The following SULF2 variants were observed in gnomAD, a reference collection of about 807,000 sequenced individuals.
SULF2 encodes sulfatase 2.
SULF2 carries 52 observed loss-of-function variants against 107.7 expected under a neutral mutation model. The observed-to-expected ratio is 0.48, with a 90% CI of 0.39 to 0.61. SULF2 has a LOEUF of 0.61. SULF2 is among the 20% of genes least tolerant of loss of function. SULF2 has a pLI of 0.00. For synonymous variants in SULF2, 460 were observed against 464.3 expected (o/e 0.99, Z 0.12); for missense variants, 993 against 1,177.3 (o/e 0.84, Z 2.29).
chr20:47,762,783 G>C (rs778814614), intron 1 of SULF2, among the ~76,000 whole-genome samples: 6 of 152,210 alleles, frequency 3.9e-5, no homozygotes, highest in Non-Finnish European at 8.8e-5. Context: ...GCTGGACTTC[G>C]TTCCTGGCTC....
intron 3 of SULF2, among the ~76,000 whole-genome samples, chr20:47,731,707 TAGA>T (rs1413660091): frequency 6.6e-6 from 1 of 152,136 alleles, no homozygotes; most frequent in African/African-American, 2.4e-5. Context: ...AATTGCTGAG[TAGA>T]AGGAGATGTC....
At chr20:47,743,102 G>A (rs2089927910) in intron 2 of SULF2, among the ~76,000 whole-genome samples, 1 of 151,954 alleles carries the variant, frequency 6.6e-6, no homozygotes, top group Non-Finnish European at 1.5e-5. Flanking sequence ...GCCTTCCTAT[G>A]GCTAGTTTCT....
At chr20:47,757,116 T>C (rs1825862506) in intron 2 of SULF2, 73 bp downstream of exon 2, 1 of 1,373,258 alleles carries the variant, frequency 7.3e-7, no homozygotes, top group Non-Finnish European at 9.7e-7. Context: ...CCGCCTTGCC[T>C]CAGGAGCCTC....
chr20:47,765,639 C>T (rs757162774), intron 1 of SULF2, among the ~76,000 whole-genome samples: 11 of 152,164 alleles, frequency 7.2e-5, no homozygotes, highest in Non-Finnish European at 2.9e-5. Flanking sequence ...TTATTAAGGG[C>T]CTGCTATATG....
intron 1 of SULF2, among the ~76,000 whole-genome samples, chr20:47,766,390 C>T (rs986368787): frequency 6.6e-6 from 1 of 152,136 alleles, no homozygotes; most frequent in Non-Finnish European, 1.5e-5. Flanking sequence ...AGAACCAAGC[C>T]GGCTCTCAAG....
rs1420572323 is a variant in SULF2, at chr20:47,663,076, G to T, written c.2364C>A (p.Pro788=). 1.2e-6 allele frequency: 2 copies of T among 1,614,148 alleles called. No individual in the cohort carries two copies. Among genetic ancestry groups the T allele is most frequent in the Admixed American group, 3.3e-5 (2 of 60,032 alleles). ...FLEYFDLNTD[P]YQLMNAVNTL... ...TAGCTCGGGTTGCCTGTACCTGGTA[G>T]GGGTCTGTGTTGAGATCAAAGTACT... The change falls in exon 17 of 21, where the codon CCC becomes CCA. Residue 788 remains proline, a synonymous_variant. Transcript: ENST00000688720.
chr20:47,778,042 G>A (rs12053631), intron 1 of SULF2, among the ~76,000 whole-genome samples: 17,494 of 152,080 alleles, frequency 0.12, 1,545 homozygotes, highest in East Asian at 0.49. Context: ...TTGGGAGGCT[G>A]AGGTGGGAGA....
intron 1 of SULF2, among the ~76,000 whole-genome samples, chr20:47,764,943 GAAGAT>G (rs1206750758): frequency 2.0e-5 from 3 of 152,180 alleles, no homozygotes; most frequent in African/African-American, 7.2e-5. Context: ...TACAGACAAG[GAAGAT>G]AAGGCACGGA....
intron 3 of SULF2, among the ~76,000 whole-genome samples, chr20:47,733,561 C>A (rs948187374): frequency 6.6e-6 from 1 of 152,102 alleles, no homozygotes; most frequent in Non-Finnish European, 1.5e-5. Flanking sequence ...TCACTTGAGG[C>A]CAGGAGTTTG....
Position 47,660,864 on chromosome 20 carries a change from C to T in SULF2, c.2494+909G>A, listed in dbSNP as rs568422738. Among the ~76,000 whole-genome samples, 49 of 152,296 alleles carry T rather than the reference C, an allele frequency of 3.2e-4. 1 individual carries two copies. The South Asian group carries it at 9.5e-3, about 30-fold the overall frequency. ...GTCCCAAACAAAACTCAGGATTTAC[C>T]TGGGACTCCTAATCCCGCACCTCCC... On this transcript the variant is annotated intron_variant, in intron 18 of 20. Transcript: ENST00000688720.
At chr20:47,688,844 G>T (rs2088102260) in intron 5 of SULF2, among the ~76,000 whole-genome samples, 1 of 151,992 alleles carries the variant, frequency 6.6e-6, no homozygotes, top group South Asian at 2.1e-4. Flanking sequence ...ATTACAGGAG[G>T]GGCTTGAGGA....
chr20:47,682,307 G>A (rs1465491292), intron 7 of SULF2, among the ~76,000 whole-genome samples: 1 of 152,220 alleles, frequency 6.6e-6, no homozygotes, highest in Non-Finnish European at 1.5e-5. Flanking sequence ...ATCTGGGCAT[G>A]AGCAGAAGGC....
chr20:47,759,245 G>A (rs2090364074), intron 1 of SULF2, among the ~76,000 whole-genome samples: 1 of 152,126 alleles, frequency 6.6e-6, no homozygotes, highest in Non-Finnish European at 1.5e-5. Context: ...AGGATAAGAT[G>A]CAAACTTCTT....
At chr20:47,748,236 G>A (rs73910755) in intron 2 of SULF2, among the ~76,000 whole-genome samples, 2,678 of 152,168 alleles carry the variant, frequency 0.018, 82 homozygotes, top group African/African-American at 0.059. Context: ...CTCCTCCAAC[G>A]TCCTGGGAAA....
rs1345365882 is a variant in SULF2, at chr20:47,658,275, T to A, written c.*87A>T. On this transcript the variant is annotated 3_prime_UTR_variant, in exon 21 of 21. Transcript: ENST00000688720. Reference sequence around the variant, plus strand: ...CAGGCCTCCTGGCCAATACCACAGGTCTGCTGGAAATCACCCACATGGTTT... The same window carrying A: ...CAGGCCTCCTGGCCAATACCACAGGACTGCTGGAAATCACCCACATGGTTT... The A allele has an allele frequency of 2.8e-6, 4 of 1,430,292 alleles. No homozygotes were observed. The highest frequency in any genetic ancestry group is 4.0e-6 in the Non-Finnish European group (4 of 1,012,382). The allele number at this position is 1,430,292 out of a possible 1,614,324, so 88.6% of individuals were successfully genotyped here.
chr20:47,702,551 C>T lies in SULF2; in HGVS notation c.535G>A (p.Val179Met). 1.2e-6 allele frequency: 2 copies of T among 1,612,940 alleles called. No homozygotes were observed. Among genetic ancestry groups the T allele is most frequent in the South Asian group, 2.2e-5 (2 of 91,018 alleles). ...TAGTCGGAGCCGTGCTTCTCTTTCA[C>T]CCCGTTCCGACACAGCGTGTAGTTA... ...FYNYTLCRNGVKEKHGSDYSK... is the reference protein window; with the variant it reads ...FYNYTLCRNGMKEKHGSDYSK... The change falls in exon 4 of 21, where the codon GTG (valine) becomes ATG (methionine). Residue 179 changes from valine to methionine, a missense_variant. Val to Met is a conservative substitution (Grantham distance 21, BLOSUM62 1). This residue lies in a region of SULF2 where 388 missense variants were observed against 449.2 expected (regional missense o/e 0.86). Transcript: ENST00000688720.
intron 3 of SULF2, among the ~76,000 whole-genome samples, chr20:47,709,295 C>A (rs2088848590): frequency 6.6e-6 from 1 of 152,130 alleles, no homozygotes; most frequent in Non-Finnish European, 1.5e-5. Flanking sequence ...ATTTGGCAGG[C>A]AGATTAAGAG....
chr20:47,723,262 A>AT (rs1053113241), intron 3 of SULF2, among the ~76,000 whole-genome samples: 1 of 152,082 alleles, frequency 6.6e-6, no homozygotes, highest in Admixed American at 6.5e-5. Flanking sequence ...GAAAAAAAAA[A>AT]AAGTTCACAA....
At chr20:47,735,439 G>C (rs747347100) in intron 3 of SULF2, among the ~76,000 whole-genome samples, 6 of 152,218 alleles carry the variant, frequency 3.9e-5, no homozygotes, top group Non-Finnish European at 7.3e-5. Flanking sequence ...GTGCATGGCT[G>C]TACTTTCTAG....
Sources: allele counts gnomAD v4.1 joint callset (sites outside exome capture counted in the v4.1 genomes callset), GRCh38; gene constraint gnomAD v4.1.1; regional missense constraint gnomAD v4.1.1; transcripts MANE v1.5; gene names NCBI Gene and HGNC (gene_info 2026-07-23, HGNC 2026-07-21).